Variants in TNFRSF13B observed in about 807,000 individuals in gnomAD.
TNFRSF13B encodes TNF receptor superfamily member 13B.
Under a neutral mutation model 24.0 loss-of-function variants are expected in TNFRSF13B, and 34 were observed. The ratio of observed to expected loss-of-function variants is 1.41; its 90% CI spans 1.08 to 1.88. The LOEUF (loss-of-function observed/expected upper bound fraction) is 1.88, where lower values mean the gene tolerates loss of function less well. TNFRSF13B is among the 40% of genes most tolerant of loss of function. The pLI is 0.00. For missense variants in TNFRSF13B, 415 were observed against 380.8 expected, an observed-to-expected ratio of 1.09 and a Z score of -0.75; for synonymous variants, 173 against 150.3, an observed-to-expected ratio of 1.15 and a Z score of -1.10.
chr17:16,964,291 T>C (rs2087684031), intron 1 of TNFRSF13B, among the ~76,000 whole-genome samples: 1 of 150,936 alleles, frequency 6.6e-6, no homozygotes, highest in Non-Finnish European at 1.5e-5. Flanking sequence ...CCACTCAGAA[T>C]GAACCTTCAG....
At chr17:16,967,592 T>TA (rs765494910) in intron 1 of TNFRSF13B, among the ~76,000 whole-genome samples, 64 of 142,910 alleles carry the variant, frequency 4.5e-4, no homozygotes, top group East Asian at 1.7e-3. Context: ...TAAAAATATA[T>TA]AAAAAAAAAA....
At chr17:16,953,050 G>A (rs530274986) in intron 1 of TNFRSF13B, among the ~76,000 whole-genome samples, 167 of 152,268 alleles carry the variant, frequency 1.1e-3, no homozygotes, top group African/African-American at 3.9e-3. Context: ...ACTAGGACAC[G>A]GTCCTTCTTC....
intron 1 of TNFRSF13B, among the ~76,000 whole-genome samples, chr17:16,961,512 T>G (rs192509337): frequency 4.5e-4 from 69 of 152,316 alleles, no homozygotes; most frequent in African/African-American, 1.5e-3. Flanking sequence ...ATTGTACAAT[T>G]TCCCTTACCT....
chr17:16,941,082 A>G (rs1280996028), intron 3 of TNFRSF13B: 4 of 570,928 alleles, frequency 7.0e-6, no homozygotes, highest in African/African-American at 2.0e-5. Flanking sequence ...ACCAAATACA[A>G]TATAGATGCC....
chr17:16,952,419 C>T (rs1043869767), intron 2 of TNFRSF13B, 27 bp downstream of exon 2: 2 of 1,613,642 alleles, frequency 1.2e-6, no homozygotes, highest in African/African-American at 1.3e-5. Context: ...ATCACACTGT[C>T]CCCTCGGCTC....
chr17:16,940,719 A>G (rs553889640), intron 3 of TNFRSF13B: 2 of 1,446,422 alleles, frequency 1.4e-6, no homozygotes, highest in Admixed American at 2.6e-5. Flanking sequence ...GCAACTTTCT[A>G]AGGCCTCAAA....
At chr17:16,941,159 G>T in intron 3 of TNFRSF13B, 1 of 927,980 alleles carries the variant, frequency 1.1e-6, no homozygotes, top group Non-Finnish European at 1.3e-6. Context: ...CAGAGGTTCA[G>T]TACAGATGCA....
chr17:16,953,249 ATGG>A lies in TNFRSF13B; in HGVS notation c.62-669_62-667del, dbSNP rs554758908. 7.2e-5 allele frequency among the ~76,000 whole-genome samples: 11 copies of A among 152,334 alleles called. No homozygotes were observed. In the East Asian group the frequency reaches 2.1e-3, roughly 29 times the overall value. ...GACACAGCACCTGCTCATTAAGTGA[ATGG>A]TTTCTTTAAGTACGGACCAACTCAG... is the stretch of plus-strand genomic sequence containing the variant. On this transcript the variant is annotated intron_variant, in intron 1 of 4. Transcript: ENST00000261652.
intron 3 of TNFRSF13B, among the ~76,000 whole-genome samples, chr17:16,943,811 AC>A (rs1221779135): frequency 6.6e-6 from 1 of 152,108 alleles, no homozygotes; most frequent in Non-Finnish European, 1.5e-5. Context: ...CTTCTGCCGG[AC>A]AGATGAGCAG....
chr17:16,939,532 C>T lies in TNFRSF13B; in HGVS notation c.*15G>A. The stretch of plus-strand genomic sequence containing the variant: ...TCCATCTCTCTCCCTCCTCCTTTCC[C>T]TCCCTGACCCCCATTTATGCACCTG... On this transcript the variant is annotated 3_prime_UTR_variant, in exon 5 of 5. Transcript: ENST00000261652. 1 of 1,611,740 alleles carries T rather than the reference C, an allele frequency of 6.2e-7. No individual in the cohort carries two copies.
chr17:16,965,662 G>C (rs963025399), intron 1 of TNFRSF13B, among the ~76,000 whole-genome samples: 1 of 152,174 alleles, frequency 6.6e-6, no homozygotes, highest in Non-Finnish European at 1.5e-5. Context: ...GGGAGAGGTG[G>C]CCTGGTGGGG....
chr17:16,940,716 T>C (rs2087504281), intron 3 of TNFRSF13B: 1 of 1,448,606 alleles, frequency 6.9e-7, no homozygotes, highest in South Asian at 1.4e-5. Context: ...GCAGCAACTT[T>C]CTAAGGCCTC....
At chr17:16,955,946 A>T (rs1056056880) in intron 1 of TNFRSF13B, among the ~76,000 whole-genome samples, 33 of 152,312 alleles carry the variant, frequency 2.2e-4, no homozygotes, top group African/African-American at 5.5e-4. Flanking sequence ...CCAAATATTG[A>T]GGTTGTGGGT....
chr17:16,965,621 G>T (rs779163849), intron 1 of TNFRSF13B, among the ~76,000 whole-genome samples: 13 of 152,150 alleles, frequency 8.5e-5, no homozygotes, highest in Admixed American at 5.9e-4. Context: ...CTCCCTCCCT[G>T]CCTGCATCTC....
intron 1 of TNFRSF13B, among the ~76,000 whole-genome samples, chr17:16,964,631 A>G (rs2087687024): frequency 6.6e-6 from 1 of 152,118 alleles, no homozygotes; most frequent in African/African-American, 2.4e-5. Flanking sequence ...GTGAGCCACC[A>G]CGCCCGGCCT....
chr17:16,946,362 AC>A (rs2087547648), intron 3 of TNFRSF13B, among the ~76,000 whole-genome samples: 1 of 152,068 alleles, frequency 6.6e-6, no homozygotes, highest in Non-Finnish European at 1.5e-5. Context: ...ATGGATCCAC[AC>A]GGCATCCCTC....
chr17:16,946,020 G>A (rs2087545206), intron 3 of TNFRSF13B, among the ~76,000 whole-genome samples: 3 of 152,228 alleles, frequency 2.0e-5, no homozygotes. Context: ...GAGGATGAGA[G>A]GCACATGGAG....
chr17:16,958,284 C>A (rs530437248), intron 1 of TNFRSF13B, among the ~76,000 whole-genome samples: 1 of 151,488 alleles, frequency 6.6e-6, no homozygotes, highest in Admixed American at 6.6e-5. Context: ...AAAAAATGAA[C>A]AAAATACAAA....
chr17:16,939,592 A>G lies in TNFRSF13B; in HGVS notation c.837T>C (p.Leu279=). The G allele has an allele frequency of 1.9e-6, 3 of 1,613,424 alleles. No individual in the cohort carries two copies. Among genetic ancestry groups the G allele is most frequent in the Non-Finnish European group, 2.5e-6 (3 of 1,179,740 alleles). Residue 279 remains leucine, a synonymous_variant, in exon 5 of 5, where the codon CTT becomes CTC. Coordinates refer to ENST00000261652, the MANE Select transcript of TNFRSF13B (RefSeq NM_012452.3). ...QPCPHIPDSG[L]GIVCVPAQEG... is the part of the protein sequence containing the mutation. ...CCTGGGCAGGCACACACACAATGCCAAGGCCACTGTCTGGGATGTGTGGGC... is the reference window on the plus strand; with the variant it reads ...CCTGGGCAGGCACACACACAATGCCGAGGCCACTGTCTGGGATGTGTGGGC...
Sources: gnomAD v4.1 joint callset for allele counts (sites outside exome capture counted in the v4.1 genomes callset) on GRCh38, gnomAD v4.1.1 for gene constraint, MANE v1.5 for transcripts, NCBI Gene and HGNC (gene_info 2026-07-23, HGNC 2026-07-21) for gene names.